Variants in RPS6KA2 observed in about 807,000 individuals in gnomAD.
RPS6KA2 encodes ribosomal protein S6 kinase alpha-2.
In RPS6KA2, 42 loss-of-function variants were observed where a neutral mutation model predicts 91.8. The ratio of observed to expected loss-of-function variants is 0.46; its 90% CI spans 0.36 to 0.59. The LOEUF (loss-of-function observed/expected upper bound fraction) is 0.59. Ranked by LOEUF, RPS6KA2 falls within the 20% of genes least tolerant of loss-of-function variation. The pLI is 0.00. For synonymous variants in RPS6KA2, 414 were observed against 393.6 expected (o/e 1.05, Z -0.61); for missense variants, 798 against 978.5 (o/e 0.82, Z 2.46).
chr6:166,448,913 A>G lies in RPS6KA2; in HGVS notation c.1207-64T>C, dbSNP rs1458430377. ...TCACACGAGGGGACGGTGCAGCTAC[A>G]CGCACACAGAATGTGGGGCGAAGAG... On this transcript the variant is annotated intron_variant, in intron 13 of 20. Transcript: ENST00000265678. The surrounding 1 kb of genome is among the most constrained non-coding windows in gnomAD (Gnocchi z 4.7). 3 of 1,587,042 alleles carry G rather than the reference A, an allele frequency of 1.9e-6. No individual in the cohort carries two copies. The highest frequency in any genetic ancestry group is 3.4e-5 in the Admixed American group (2 of 59,210).
intron 2 of RPS6KA2, among the ~76,000 whole-genome samples, chr6:166,781,035 C>A (rs943349516): frequency 6.6e-6 from 1 of 152,160 alleles, no homozygotes; most frequent in Non-Finnish European, 1.5e-5. Flanking sequence ...CCTCTCCCAG[C>A]CTTTAAGGAC....
chr6:166,549,438 G>A (rs866726854), intron 1 of RPS6KA2, among the ~76,000 whole-genome samples: 2,259 of 152,276 alleles, frequency 0.015, 47 homozygotes, highest in African/African-American at 0.051. Context: ...TCAACAAGCT[G>A]CAGTACATCA....
At chr6:166,604,641 A>T (rs2128528554) in intron 1 of RPS6KA2, among the ~76,000 whole-genome samples, 1 of 152,324 alleles carries the variant, frequency 6.6e-6, no homozygotes, top group East Asian at 1.9e-4. Flanking sequence ...GGCTTGCTGT[A>T]AGAAGTCAAC....
intron 2 of RPS6KA2, among the ~76,000 whole-genome samples, chr6:166,753,972 G>A (rs1441462763): frequency 6.6e-5 from 10 of 152,136 alleles, no homozygotes; most frequent in Non-Finnish European, 1.5e-5. Context: ...GGCCATGCTT[G>A]AACTTGATCT....
At chr6:166,616,469 T>C (rs1786416259) in intron 1 of RPS6KA2, among the ~76,000 whole-genome samples, 1 of 152,238 alleles carries the variant, frequency 6.6e-6, no homozygotes, top group South Asian at 2.1e-4. Context: ...GAGTCGCTCC[T>C]GTCCAGCAAC....
chr6:166,479,923 A>C (rs1265567439), intron 10 of RPS6KA2, among the ~76,000 whole-genome samples: 2 of 152,120 alleles, frequency 1.3e-5, no homozygotes, highest in East Asian at 3.9e-4. Flanking sequence ...ACATCCTTCC[A>C]TGTTAGTGCA....
chr6:166,538,514 G>A (rs1162992222), intron 2 of RPS6KA2, among the ~76,000 whole-genome samples, 154 bp downstream of exon 2: 1 of 152,200 alleles, frequency 6.6e-6, no homozygotes. Flanking sequence ...AATTCTGGCT[G>A]TGCAAAGTGA....
Position 166,508,470 on chromosome 6 carries a change from C to T in RPS6KA2, c.380-188G>A, listed in dbSNP as rs538581386. On this transcript the variant is annotated intron_variant, in intron 4 of 20. Coordinates refer to ENST00000265678, the MANE Select transcript of RPS6KA2 (RefSeq NM_021135.6). This position sits in a 1 kb window ranked among gnomAD's most constrained non-coding sequence, Gnocchi z 4.3. ...GGCAGAGGGGGTCTGACACTGTGAG[C>T]GCTGCCCCTCTCTCACTGTCGTTAG... Among the ~76,000 whole-genome samples, 12 of 64,604 alleles carry T rather than the reference C, an allele frequency of 1.9e-4. No homozygotes were observed. The highest frequency in any genetic ancestry group is 4.8e-4 in the Admixed American group (3 of 6,202). The allele number at this position is 64,604 out of a possible 152,430, so 42.4% of individuals were successfully genotyped here.
At chr6:166,783,474 A>T (rs988615624) in intron 2 of RPS6KA2, among the ~76,000 whole-genome samples, 4 of 152,272 alleles carry the variant, frequency 2.6e-5, no homozygotes, top group African/African-American at 9.6e-5. Flanking sequence ...CAATTGTGTG[A>T]GCCAATTCCT....
intron 2 of RPS6KA2, among the ~76,000 whole-genome samples, chr6:166,822,051 C>T (rs958754647): frequency 6.6e-6 from 1 of 152,178 alleles, no homozygotes; most frequent in Non-Finnish European, 1.5e-5. Flanking sequence ...GGACGCTGCT[C>T]GCGCCACCAC....
intron 1 of RPS6KA2, among the ~76,000 whole-genome samples, chr6:166,569,169 A>T (rs1410608638): frequency 2.6e-5 from 4 of 152,192 alleles, no homozygotes; most frequent in Non-Finnish European, 5.9e-5. Context: ...TTTCCATTGG[A>T]TTCCTCCCCA....
Position 166,744,901 on chromosome 6 carries a change from C to T in RPS6KA2, c.123+113299G>A, listed in dbSNP as rs11963670. ...CCCCGGCTCTGGGAATGGAGTCTAC[C>T]TCTGCCTGCCTTTCCTCATGGGTGC... On this transcript the variant is annotated intron_variant, in intron 2 of 21. Transcript: ENST00000503859. 2.7e-3 allele frequency among the ~76,000 whole-genome samples: 411 copies of T among 152,326 alleles called. 3 individuals are homozygous for T. Among genetic ancestry groups the T allele is most frequent in the African/African-American group, 9.5e-3 (394 of 41,572 alleles).
At chr6:166,705,235 G>A (rs560845397) in intron 2 of RPS6KA2, among the ~76,000 whole-genome samples, 13 of 152,308 alleles carry the variant, frequency 8.5e-5, no homozygotes, top group African/African-American at 2.6e-4. Context: ...AGAGCAAGGC[G>A]CCAGCTGGGA....
intron 1 of RPS6KA2, among the ~76,000 whole-genome samples, chr6:166,600,134 AATAGGTGCACCTACT>A (rs1209351058): frequency 2.0e-5 from 3 of 152,062 alleles, no homozygotes; most frequent in Non-Finnish European, 4.4e-5. Flanking sequence ...CAGCTTCCCA[AATAGGTGCACCTACT>A]ATAGGTGCAC....
intron 2 of RPS6KA2, among the ~76,000 whole-genome samples, chr6:166,836,714 C>T (rs1325449852): frequency 2.6e-5 from 4 of 152,188 alleles, no homozygotes; most frequent in East Asian, 1.9e-4. Context: ...TTGGTTCTAG[C>T]GTCTGGGCCA....
intron 2 of RPS6KA2, among the ~76,000 whole-genome samples, chr6:166,799,759 A>ATT (rs55805484): frequency 0.021 from 3,106 of 151,106 alleles, 111 homozygotes; most frequent in African/African-American, 0.071. Context: ...TTAGCTGAGT[A>ATT]TTTTTTTTTA....
At chr6:166,709,994 C>T (rs896136707) in intron 2 of RPS6KA2, among the ~76,000 whole-genome samples, 1 of 152,150 alleles carries the variant, frequency 6.6e-6, no homozygotes, top group African/African-American at 2.4e-5. Flanking sequence ...TATTATCGAA[C>T]CAGAATCTTC....
At chr6:166,580,658 A>G (rs1433090507) in intron 1 of RPS6KA2, among the ~76,000 whole-genome samples, 2 of 147,462 alleles carry the variant, frequency 1.4e-5, no homozygotes, top group Admixed American at 6.7e-5. Context: ...TTTTCAGTCT[A>G]CCCCACCCCC....
At chr6:166,534,221 C>CAAAA (rs34585369) in intron 2 of RPS6KA2, among the ~76,000 whole-genome samples, 365 of 58,576 alleles carry the variant, frequency 6.2e-3, no homozygotes, top group Middle Eastern at 0.018. Context: ...GACTCTGTCT[C>CAAAA]AAAAAAAAAA....
Sources: allele counts gnomAD v4.1 joint callset (sites outside exome capture counted in the v4.1 genomes callset), GRCh38; gene constraint gnomAD v4.1.1; non-coding constraint Gnocchi (gnomAD v3.1); transcripts MANE v1.5; gene names NCBI Gene and HGNC (gene_info 2026-07-23, HGNC 2026-07-21).